Variants in JMJD1C observed in about 807,000 individuals in gnomAD.
The protein encoded by JMJD1C is jumonji domain-containing protein 1C.
In JMJD1C, 31 loss-of-function variants were observed where a neutral mutation model predicts 245.3. The ratio of observed to expected loss-of-function variants is 0.13; its 90% CI spans 0.09 to 0.17. JMJD1C has a LOEUF of 0.17. Among genes scored for constraint, JMJD1C ranks in the 10% least tolerant of loss-of-function variants. The probability of loss-of-function intolerance (pLI) is 1.00; values close to 1 mark genes in which losing one functional copy is unlikely to be tolerated. For missense variants in JMJD1C, 2,691 were observed against 3,000.2 expected (o/e 0.90, Z 2.41); for synonymous variants, 1,057 against 1,017.4 (o/e 1.04, Z -0.74).
chr10:63,319,407 C>T (rs1355203857), intron 2 of JMJD1C, among the ~76,000 whole-genome samples: 1 of 146,224 alleles, frequency 6.8e-6, no homozygotes, highest in African/African-American at 2.5e-5. Flanking sequence ...TTTTCTTTAT[C>T]TCTGGCAGTC....
intron 1 of JMJD1C, among the ~76,000 whole-genome samples, chr10:63,388,319 T>A (rs867008537): frequency 6.8e-6 from 1 of 146,918 alleles, no homozygotes. Context: ...CAGAAGACAA[T>A]GGGATAATAG....
chr10:63,236,171 CT>C (rs1360446720), intron 3 of JMJD1C, among the ~76,000 whole-genome samples: 1 of 152,110 alleles, frequency 6.6e-6, no homozygotes, highest in Non-Finnish European at 1.5e-5. Context: ...TATTAACTAG[CT>C]TTTTTATTAA....
Position 63,208,412 on chromosome 10 carries a change from T to C in JMJD1C, c.3257A>G (p.Gln1086Arg). ...DLYKMKHSVP[Q>R]SLPQSNYFTT... ...GAAATAGTTACTTTGGGGTAAACTC[T>C]GAGGCACTGAGTGCTTCATTTTATA... The change falls in exon 10 of 26, where the codon CAG becomes CGG. Residue 1086 changes from glutamine (Q) to arginine (R), a missense_variant. Gln to Arg is a conservative substitution (Grantham distance 43, BLOSUM62 1). Around this residue, in one of 9 missense-constraint regions of JMJD1C, gnomAD observed 1,562 missense variants for 1,490.7 expected, o/e 1.05. Coordinates refer to ENST00000399262, the MANE Select transcript of JMJD1C (RefSeq NM_032776.3). The C allele has an allele frequency of 1.2e-6, 2 of 1,614,082 alleles. No homozygotes were observed. Among genetic ancestry groups the C allele is most frequent in the Admixed American group, 1.7e-5 (1 of 60,024 alleles).
chr10:63,208,051 T>C lies in JMJD1C; in HGVS notation c.3618A>G (p.Ala1206=). Residue 1206 remains alanine (A), a synonymous_variant, in exon 10 of 26, where the codon GCA becomes GCG. Coordinates refer to ENST00000399262, the MANE Select transcript of JMJD1C (RefSeq NM_032776.3). ...TLRSMPALHR[A]PVFHPPIHHS... ...GATGGATTGGTGGGTGAAATACTGG[T>C]GCTCTATGTAATGCAGGCATACTGC... 1 of 1,614,156 alleles carries C rather than the reference T, an allele frequency of 6.2e-7. No individual in the cohort carries two copies. The highest frequency in any genetic ancestry group is 8.5e-7 in the Non-Finnish European group (1 of 1,180,010).
At chr10:63,371,044 C>G (rs1425689853) in intron 2 of JMJD1C, among the ~76,000 whole-genome samples, 1 of 152,104 alleles carries the variant, frequency 6.6e-6, no homozygotes, top group Non-Finnish European at 1.5e-5. Context: ...ATGGCATAAT[C>G]ATAGCTCACC....
chr10:63,387,485 A>T (rs1403950594), intron 1 of JMJD1C, among the ~76,000 whole-genome samples: 2 of 152,018 alleles, frequency 1.3e-5, no homozygotes, highest in Non-Finnish European at 2.9e-5. Flanking sequence ...AAAAAGGATG[A>T]AACAAATTCG....
At chr10:63,268,402 C>G (rs1368177300) in intron 2 of JMJD1C, among the ~76,000 whole-genome samples, 3 of 152,094 alleles carry the variant, frequency 2.0e-5, no homozygotes, top group Non-Finnish European at 4.4e-5. Context: ...CCTTGAAACA[C>G]TAGTCTGAAA....
rs770157949 is a variant in JMJD1C, at chr10:63,264,740, T to G, written c.358A>C (p.Asn120His). The G allele has an allele frequency of 1.3e-6, 2 of 1,584,792 alleles. No individual in the cohort carries two copies. Among genetic ancestry groups the G allele is most frequent in the East Asian group, 2.3e-5 (1 of 44,256 alleles). ...ALTFKPLVERNIPSSVTAVEF... is the reference protein window; with the variant it reads ...ALTFKPLVERHIPSSVTAVEF... ...ACTGCAGTGACTGAACTGGGTATAT[T>G]TCTTTCAACCAGAGGTTTGAAAGTC... The change falls in exon 3 of 26, where the codon AAT (asparagine) becomes CAT (histidine). Residue 120 changes from asparagine (N) to histidine (H), a missense_variant. Transcript: ENST00000399262.
chr10:63,352,637 C>CA (rs145589142), intron 2 of JMJD1C, among the ~76,000 whole-genome samples: 2,075 of 96,398 alleles, frequency 0.022, 27 homozygotes, highest in African/African-American at 0.046. Flanking sequence ...GACTCTGTCT[C>CA]AAAAAAAAAA....
intron 2 of JMJD1C, among the ~76,000 whole-genome samples, chr10:63,347,675 G>A (rs1441216121): frequency 1.3e-5 from 2 of 152,122 alleles, no homozygotes; most frequent in Non-Finnish European, 2.9e-5. Context: ...CACTTTGGGA[G>A]GCTGAGATGG....
intron 1 of JMJD1C, among the ~76,000 whole-genome samples, chr10:63,435,179 C>G (rs1950994528): frequency 1.3e-5 from 2 of 152,206 alleles, no homozygotes; most frequent in South Asian, 4.1e-4. Flanking sequence ...TTTACTACAA[C>G]AGTGCCTTAC....
At chr10:63,233,778 CACA>C (rs145095457) in intron 3 of JMJD1C, among the ~76,000 whole-genome samples, 50 of 141,532 alleles carry the variant, frequency 3.5e-4, no homozygotes, top group Non-Finnish European at 6.7e-4. Context: ...CACACACACA[CACA>C]CACCACCACC....
intron 1 of JMJD1C, chr10:63,427,990 C>A: frequency 1.5e-6 from 1 of 689,358 alleles, no homozygotes. Context: ...GACAGTTTGG[C>A]TTAGCCCCCT....
chr10:63,233,424 G>A (rs1850257648), intron 3 of JMJD1C, among the ~76,000 whole-genome samples: 1 of 152,050 alleles, frequency 6.6e-6, no homozygotes, highest in South Asian at 2.1e-4. Context: ...TAAACTTCAT[G>A]TCTAACAACA....
At chr10:63,314,770 C>T (rs1485457485) in intron 2 of JMJD1C, among the ~76,000 whole-genome samples, 3 of 152,038 alleles carry the variant, frequency 2.0e-5, no homozygotes, top group Admixed American at 1.3e-4. Context: ...GCCTCAGCCA[C>T]TCAAATAGCT....
At chr10:63,228,693 GAT>G (rs1266122461) in intron 3 of JMJD1C, among the ~76,000 whole-genome samples, 1 of 152,122 alleles carries the variant, frequency 6.6e-6, no homozygotes, top group African/African-American at 2.4e-5. Flanking sequence ...AATGCAATTT[GAT>G]CTAACTGACT....
intron 3 of JMJD1C, among the ~76,000 whole-genome samples, chr10:63,245,418 G>C (rs557634906): frequency 1.1e-3 from 166 of 148,992 alleles, no homozygotes; most frequent in Non-Finnish European, 2.1e-3. Flanking sequence ...GCAAGGAGGA[G>C]CAAGTCATGT....
intron 3 of JMJD1C, chr10:63,222,559 G>A (rs1848726971): frequency 1.3e-6 from 2 of 1,579,736 alleles, no homozygotes; most frequent in East Asian, 2.2e-5. Context: ...GTGAAAAACA[G>A]TTTGAACTGT....
In JMJD1C at chr10:63,189,304, G is replaced by A. The variant is rs1165181671; in HGVS notation, c.6434C>T (p.Ser2145Phe). Residue 2145 changes from serine (S) to phenylalanine (F), a missense_variant, in exon 18 of 26, where the codon TCT becomes TTT. Physicochemically the swap from Ser to Phe is radical, Grantham distance 155. Coordinates refer to ENST00000399262, the MANE Select transcript of JMJD1C (RefSeq NM_032776.3). ...LKEEPEESII[S>F]AVDENNKLYS... Reference sequence around the variant, plus strand: ...TAATTTATTATTTTCATCCACTGCAGATATTATGCTTTCTTCAGGCTCTTC... The same window carrying A: ...TAATTTATTATTTTCATCCACTGCAAATATTATGCTTTCTTCAGGCTCTTC... 36 of 1,613,660 alleles carry A rather than the reference G, an allele frequency of 2.2e-5. No individual in the cohort carries two copies. The East Asian group carries it at 5.1e-4, about 23-fold the overall frequency.
Sources: allele counts gnomAD v4.1 joint callset (sites outside exome capture counted in the v4.1 genomes callset), GRCh38; gene constraint gnomAD v4.1.1; regional missense constraint gnomAD v4.1.1; transcripts MANE v1.5; gene names NCBI Gene and HGNC (gene_info 2026-07-23, HGNC 2026-07-21).